The following RIF1 variants were observed in gnomAD, a reference collection of about 807,000 sequenced individuals.
RIF1 encodes telomere-associated protein RIF1.
Under a neutral mutation model 247.1 loss-of-function variants are expected in RIF1, and 45 were observed. The ratio of observed to expected loss-of-function variants is 0.18; its 90% CI spans 0.14 to 0.23. The LOEUF is 0.23. RIF1 is among the 10% of genes least tolerant of loss of function. RIF1 has a pLI of 1.00. For missense variants in RIF1, 2,967 were observed against 2,862.5 expected (o/e 1.04, Z -0.83); for synonymous variants, 1,087 against 978.8 (o/e 1.11, Z -2.06).
At chr2:151,435,603 T>C (rs756004386) in intron 11 of RIF1, 23 bp downstream of exon 11, 28 of 1,372,886 alleles carry the variant, frequency 2.0e-5, no homozygotes, top group Middle Eastern at 1.8e-4. Context: ...TATTCTTGTT[T>C]TTTGCTTTTT....
At chr2:151,461,002 G>C in intron 26 of RIF1, 136 bp from the exon 27 acceptor site, 2 of 764,990 alleles carry the variant, frequency 2.6e-6, no homozygotes, top group Non-Finnish European at 4.3e-6. Flanking sequence ...GTACTAATTT[G>C]TTACGGATCA....
intron 10 of RIF1, among the ~76,000 whole-genome samples, chr2:151,496,555 C>G (rs1392897604): frequency 1.3e-5 from 2 of 152,294 alleles, no homozygotes; most frequent in South Asian, 4.1e-4. Context: ...AATCTGCACC[C>G]TCTAGAGAAG....
In RIF1 at chr2:151,460,120, G is replaced by A. The variant is rs572234302; in HGVS notation, c.3075+1G>A. On this transcript the variant is annotated splice_donor_variant, in intron 26 of 35. Transcript: ENST00000444746. LOFTEE classifies it high-confidence loss of function. The stretch of plus-strand genomic sequence containing the variant: ...AGAAAATATGAAACCAGCAGCCAAA[G>A]TATGTTTTCAAAAGTTTAATCAAAA... 5.2e-6 allele frequency: 8 copies of A among 1,533,498 alleles called. No individual in the cohort carries two copies. The highest frequency in any genetic ancestry group is 1.2e-5 in the South Asian group (1 of 80,886). 95.0% of individuals were successfully genotyped at this position (1,533,498 alleles called of 1,614,324 possible).
chr2:151,492,301 CT>C, intron 9 of RIF1: 1 of 1,604,998 alleles, frequency 6.2e-7, no homozygotes, highest in Non-Finnish European at 8.5e-7. Flanking sequence ...CATGAATTTG[CT>C]TTATGAAAAT....
rs532735939 is a variant in RIF1 at position 151,428,954 on chromosome 2, G to A, written c.925+32G>A. On this transcript the variant is annotated intron_variant, in intron 9 of 35. Transcript: ENST00000444746. The stretch of plus-strand genomic sequence containing the variant: ...AATATTTTAACAATTTTGATTTTCT[G>A]TGAATTTGTTTTGCTTAAAGCAAGA... 8.1e-6 allele frequency: 11 copies of A among 1,356,568 alleles called. No homozygotes were observed. In the South Asian group the frequency reaches 1.3e-4, roughly 16 times the overall value. 84.0% of individuals were successfully genotyped at this position (1,356,568 alleles called of 1,614,324 possible). A position where few individuals can be genotyped will look rare whatever the true frequency, so the allele number is the denominator to read the frequency against.
At chr2:151,411,645 C>T (rs1195883958) in intron 3 of RIF1, among the ~76,000 whole-genome samples, 1 of 152,138 alleles carries the variant, frequency 6.6e-6, no homozygotes, top group Non-Finnish European at 1.5e-5. Context: ...AGGTGATCCG[C>T]CTGCCTCAGC....
chr2:151,474,132 A>G (rs770399037), intron 35 of RIF1, 60 bp downstream of exon 35: 2 of 824,076 alleles, frequency 2.4e-6, no homozygotes, highest in African/African-American at 1.7e-5. Context: ...TTCTTGAAAT[A>G]TGTTATTTTT....
the RIF1 span, chr2:151,526,365 A>T: frequency 2.3e-5 from 19 of 816,186 alleles, no homozygotes; most frequent in African/African-American, 2.7e-4. Context: ...ACAATACTAA[A>T]CTCAATAAAA....
At chr2:151,426,120 A>G (rs1432367074) in intron 8 of RIF1, among the ~76,000 whole-genome samples, 1 of 144,404 alleles carries the variant, frequency 6.9e-6, no homozygotes, top group Admixed American at 7.1e-5. Context: ...TAAGTTTGGC[A>G]GTCAGTTTGT....
At position 151,438,664 on chromosome 2, in the gene RIF1, A is replaced by G; in HGVS notation, c.1484-20A>G. The stretch of plus-strand genomic sequence containing the variant: ...CATATGTACTTCATTTAAAATACTC[A>G]AGTTTATTTTGTTTGACAGATGTGG... On this transcript the variant is annotated intron_variant, in intron 13 of 35. Coordinates refer to ENST00000444746, the MANE Select transcript of RIF1 (RefSeq NM_018151.5). The G allele has an allele frequency of 6.3e-7, 1 of 1,578,440 alleles. No homozygotes were observed. The highest frequency in any genetic ancestry group is 8.7e-7 in the Non-Finnish European group (1 of 1,147,576).
Position 151,410,402 on chromosome 2 carries a change from T to C in RIF1, c.-10-12T>C. On this transcript the variant is annotated splice_polypyrimidine_tract_variant and intron_variant, in intron 1 of 35. Coordinates refer to ENST00000444746, the MANE Select transcript of RIF1 (RefSeq NM_018151.5). ...GTCACTGGATTTTCTCCTCTTCCGG[T>C]TCGGGCCTCAGGGTGGCCGACATGA... 6.2e-7 allele frequency: 1 copy of C among 1,607,508 alleles called. No homozygotes were observed. The highest frequency in any genetic ancestry group is 8.5e-7 in the Non-Finnish European group (1 of 1,176,116).
intron 13 of RIF1, 51 bp from the exon 14 acceptor site, chr2:151,438,633 C>A: frequency 8.8e-7 from 1 of 1,131,944 alleles, no homozygotes; most frequent in Non-Finnish European, 1.4e-6. Flanking sequence ...AGTCATAGTA[C>A]GTAGTCATAT....
intron 34 of RIF1, among the ~76,000 whole-genome samples, chr2:151,472,876 G>T (rs931468877): frequency 2.6e-5 from 4 of 152,142 alleles, no homozygotes; most frequent in Non-Finnish European, 4.4e-5. Flanking sequence ...CAGGATGATG[G>T]TGGCCTCATA....
downstream of RIF1, among the ~76,000 whole-genome samples, chr2:151,510,616 A>ATAAC (rs1446297419): frequency 1.3e-5 from 2 of 152,354 alleles, no homozygotes; most frequent in African/African-American, 4.8e-5. Context: ...ATGTAACTAT[A>ATAAC]TAACTTTTAT....
intron 7 of RIF1, among the ~76,000 whole-genome samples, chr2:151,422,603 A>G (rs905936140): frequency 1.3e-5 from 2 of 151,654 alleles, no homozygotes; most frequent in Admixed American, 6.6e-5. Context: ...AGGTTCAAGC[A>G]ATTCTCATGC....
Position 151,414,845 on chromosome 2 carries a change from C to G in RIF1, c.206C>G (p.Ser69Trp), listed in dbSNP as rs192238663. ...TAGACTCACATTTCCAGTCAAAACT[C>G]GGAGCTGAGTAGTGCTGCTCTACAA... Reference protein sequence around the residue: ...VLKTHISSQNSELSSAALQAL... With the variant: ...VLKTHISSQNWELSSAALQAL... The change falls in exon 4 of 36, where the codon TCG becomes TGG. Residue 69 changes from serine to tryptophan, a missense_variant. By Grantham distance (177) the Ser-to-Trp change is radical (BLOSUM62 -3). Around this residue, in one of 7 missense-constraint regions of RIF1, gnomAD observed 269 missense variants for 288.6 expected, o/e 0.93. Coordinates refer to ENST00000444746, the MANE Select transcript of RIF1 (RefSeq NM_018151.5). The G allele has an allele frequency of 6.2e-6, 10 of 1,609,942 alleles. No homozygotes were observed. The African/African-American group carries it at 1.2e-4, about 19-fold the overall frequency.
Position 151,476,365 on chromosome 2 carries a change from A to G in RIF1, c.*1294A>G, listed in dbSNP as rs906182277. The G allele has an allele frequency of 9.9e-5, 15 of 152,190 alleles. No homozygotes were observed. The highest frequency in any genetic ancestry group is 3.4e-4 in the African/African-American group (14 of 41,462). 9.4% of individuals were successfully genotyped at this position (152,190 alleles called of 1,614,324 possible). A position where few individuals can be genotyped will look rare whatever the true frequency, so the allele number is the denominator to read the frequency against. ...ACCTTTGTAAAATTTGCCAACTAAT[A>G]TTAGTGCCTGACTTCCCATATTTGT... On this transcript the variant is annotated 3_prime_UTR_variant, in exon 36 of 36. Transcript: ENST00000444746.
chr2:151,493,995 G>A, intron 9 of RIF1: 1 of 889,428 alleles, frequency 1.1e-6, no homozygotes, highest in Non-Finnish European at 1.7e-6. Flanking sequence ...CAAGAAGAAA[G>A]CTTAAAAATA....
chr2:151,447,498 C>T (rs1045916835), intron 20 of RIF1, among the ~76,000 whole-genome samples: 5 of 152,186 alleles, frequency 3.3e-5, no homozygotes, highest in Admixed American at 3.3e-4. Context: ...CAACTGCTGT[C>T]TAGTATTCTG....
Sources: allele counts gnomAD v4.1 joint callset (sites outside exome capture counted in the v4.1 genomes callset), GRCh38; gene constraint gnomAD v4.1.1; regional missense constraint gnomAD v4.1.1; transcripts MANE v1.5; gene names NCBI Gene and HGNC (gene_info 2026-07-23, HGNC 2026-07-21).